RAP1A: variants seen among roughly 807,000 people sequenced by gnomAD.
RAP1A encodes RAP1A, member of RAS oncogene family, also known as ras-related protein Rap-1A.
Under a neutral mutation model 26.4 loss-of-function variants are expected in RAP1A, and 6 were observed. That is an observed-to-expected ratio of 0.23 (90% CI 0.12 to 0.45). The LOEUF is 0.45. RAP1A is among the 20% of genes least tolerant of loss of function. The probability of loss-of-function intolerance (pLI) is 0.99; values close to 1 mark genes in which losing one functional copy is unlikely to be tolerated. For missense variants in RAP1A, 121 were observed against 217.2 expected, an observed-to-expected ratio of 0.56 and a Z score of 2.78; for synonymous variants, 73 against 79.4, an observed-to-expected ratio of 0.92 and a Z score of 0.43.
At chr1:111,679,640 C>T (rs983795949) in intron 1 of RAP1A, among the ~76,000 whole-genome samples, 4 of 152,138 alleles carry the variant, frequency 2.6e-5, no homozygotes, top group South Asian at 2.1e-4. Context: ...CCCATGGAGT[C>T]CAGCAAGCTA....
At chr1:111,631,842 C>T (rs1462178573) in intron 1 of RAP1A, among the ~76,000 whole-genome samples, 1 of 151,814 alleles carries the variant, frequency 6.6e-6, no homozygotes, top group Non-Finnish European at 1.5e-5. Context: ...AGACCAAACA[C>T]TTACAAAGTA....
intron 1 of RAP1A, among the ~76,000 whole-genome samples, chr1:111,684,895 GCA>G (rs1198916051): frequency 3.9e-5 from 6 of 152,090 alleles, no homozygotes; most frequent in African/African-American, 1.4e-4. Flanking sequence ...CTATAAGGCT[GCA>G]GCAACCAAAA....
chr1:111,647,268 G>T (rs898435828), intron 1 of RAP1A, among the ~76,000 whole-genome samples: 1 of 152,172 alleles, frequency 6.6e-6, no homozygotes, highest in Non-Finnish European at 1.5e-5. Flanking sequence ...ATGATCTGTT[G>T]CTGTCTCCCA....
chr1:111,623,312 T>A (rs1035683223), intron 1 of RAP1A, among the ~76,000 whole-genome samples: 2 of 152,042 alleles, frequency 1.3e-5, no homozygotes, highest in Non-Finnish European at 2.9e-5. Flanking sequence ...AGGTGTGAGC[T>A]ACTGTGGCTG....
At chr1:111,623,642 C>G (rs1245956195) in intron 1 of RAP1A, among the ~76,000 whole-genome samples, 2 of 152,166 alleles carry the variant, frequency 1.3e-5, no homozygotes, top group Non-Finnish European at 2.9e-5. Flanking sequence ...AACTCCTGAC[C>G]TCATGATCCG....
intron 1 of RAP1A, among the ~76,000 whole-genome samples, chr1:111,556,721 G>T (rs568124343): frequency 9.2e-5 from 14 of 152,190 alleles, no homozygotes; most frequent in African/African-American, 3.1e-4. Flanking sequence ...ATAATGGGTT[G>T]CCAGGGGCTT....
chr1:111,625,252 T>C (rs574030184), intron 1 of RAP1A, among the ~76,000 whole-genome samples: 1 of 152,352 alleles, frequency 6.6e-6, no homozygotes, highest in African/African-American at 2.4e-5. Context: ...TACCCACTTA[T>C]TCTGGAGGTA....
rs189869159 is a variant in RAP1A at position 111,659,490 on chromosome 1, T to C, written c.-27-31844T>C. On this transcript the variant is annotated intron_variant, in intron 1 of 7. Coordinates refer to ENST00000369709, the MANE Select transcript of RAP1A (RefSeq NM_002884.4). ...ACAACATATAGTTGGGTCTTGTTTCTTTAGTCCGTTGTGACAGTCTCTTTT... is the reference window on the plus strand; with the variant it reads ...ACAACATATAGTTGGGTCTTGTTTCCTTAGTCCGTTGTGACAGTCTCTTTT... Among the ~76,000 whole-genome samples, 142 of 152,090 alleles carry C rather than the reference T, an allele frequency of 9.3e-4. No individual in the cohort carries two copies. In the East Asian group the frequency reaches 0.026, roughly 28 times the overall value.
intron 1 of RAP1A, among the ~76,000 whole-genome samples, chr1:111,678,577 T>C (rs1661198694): frequency 1.3e-5 from 2 of 152,292 alleles, no homozygotes; most frequent in African/African-American, 4.8e-5. Context: ...GCTTGTAGGC[T>C]ACAAACCTGT....
chr1:111,575,811 C>T (rs999197844), intron 1 of RAP1A, among the ~76,000 whole-genome samples: 1 of 152,136 alleles, frequency 6.6e-6, no homozygotes, highest in Non-Finnish European at 1.5e-5. Context: ...AACCACTCAG[C>T]CTGGGGCATT....
At chr1:111,560,087 A>G (rs1360461262) in intron 1 of RAP1A, among the ~76,000 whole-genome samples, 1 of 152,188 alleles carries the variant, frequency 6.6e-6, no homozygotes, top group African/African-American at 2.4e-5. Flanking sequence ...GTGTTAGGTA[A>G]TAGACTGAGC....
chr1:111,599,696 A>G (rs1658631060), intron 1 of RAP1A: 1 of 152,252 alleles, frequency 6.6e-6, no homozygotes, highest in Non-Finnish European at 1.5e-5. Flanking sequence ...ATAAAAAGAC[A>G]GCACTTTGGA....
At chr1:111,638,652 T>C (rs1659797990) in intron 1 of RAP1A, among the ~76,000 whole-genome samples, 1 of 152,160 alleles carries the variant, frequency 6.6e-6, no homozygotes, top group Admixed American at 6.6e-5. Flanking sequence ...TCTTGAACTC[T>C]TGGGCTCAAG....
chr1:111,703,270 T>G (rs896827659), intron 4 of RAP1A, 66 bp from the exon 5 acceptor site: 9 of 1,109,680 alleles, frequency 8.1e-6, no homozygotes, highest in Non-Finnish European at 1.1e-5. Flanking sequence ...TTATGCTGTT[T>G]TAAATTGTTG....
At chr1:111,648,756 T>C in intron 1 of RAP1A, 1 of 603,374 alleles carries the variant, frequency 1.7e-6, no homozygotes, top group Non-Finnish European at 3.1e-6. Context: ...GGTGCCCTCC[T>C]CAATCTGCTG....
In RAP1A at chr1:111,699,479, T is replaced by TTTTTTTG. The variant is rs374442188; in HGVS notation, c.183+1982_183+1983insTTTTTTG. ...TCACTTCCTCTTTTTTTTTTTTTTT[T>TTTTTTTG]GAAACAGGGTCTCTCTCTGTCACCC... is the stretch of plus-strand genomic sequence containing the variant. On this transcript the variant is annotated intron_variant, in intron 4 of 7. Coordinates refer to ENST00000369709, the MANE Select transcript of RAP1A (RefSeq NM_002884.4). Among the ~76,000 whole-genome samples, 888 of 138,998 alleles carry TTTTTTTG rather than the reference T, an allele frequency of 6.4e-3. 13 individuals carry two copies. Among genetic ancestry groups the TTTTTTTG allele is most frequent in the Middle Eastern group, 0.019 (5 of 258 alleles). The allele number at this position is 138,998 out of a possible 152,430, so 91.2% of individuals were successfully genotyped here. A position where few individuals can be genotyped will look rare whatever the true frequency, so the allele number is the denominator to read the frequency against.
At chr1:111,627,901 G>A (rs1659448355) in intron 1 of RAP1A, among the ~76,000 whole-genome samples, 1 of 151,512 alleles carries the variant, frequency 6.6e-6, no homozygotes, top group Admixed American at 6.6e-5. Context: ...TCAGATAGAT[G>A]AGGGGGGTAG....
chr1:111,691,679 A>C (rs1392592562), intron 2 of RAP1A, among the ~76,000 whole-genome samples: 3 of 152,200 alleles, frequency 2.0e-5, no homozygotes, highest in Admixed American at 2.0e-4. Flanking sequence ...AGAGAGGAGT[A>C]AGATTGTTCT....
chr1:111,663,068 C>G (rs1400281713), intron 1 of RAP1A, among the ~76,000 whole-genome samples: 3 of 152,172 alleles, frequency 2.0e-5, no homozygotes, highest in Non-Finnish European at 4.4e-5. Flanking sequence ...CACGAGCCAC[C>G]ATGCCCAGTT....
Sources: gnomAD v4.1 joint callset for allele counts (sites outside exome capture counted in the v4.1 genomes callset) on GRCh38, gnomAD v4.1.1 for gene constraint, MANE v1.5 for transcripts, NCBI Gene and HGNC (gene_info 2026-07-23, HGNC 2026-07-21) for gene names.